Variants in DCDC1 observed in about 807,000 individuals in gnomAD.
DCDC1 encodes the protein doublecortin domain containing 1, also known as doublecortin domain-containing protein 1.
Under a neutral mutation model 178.3 loss-of-function variants are expected in DCDC1, and 200 were observed. The observed-to-expected ratio is 1.12, with a 90% CI of 1.00 to 1.26. The LOEUF (loss-of-function observed/expected upper bound fraction) is 1.26, where lower values mean the gene tolerates loss of function less well. Ranked by LOEUF, DCDC1 falls within the 50% of genes most tolerant of loss-of-function variation. DCDC1 has a pLI of 0.00. For missense variants in DCDC1, 1,983 were observed against 1,749.2 expected (o/e 1.13, Z -2.38); for synonymous variants, 690 against 604.8 (o/e 1.14, Z -2.07).
In DCDC1 at chr11:31,186,456, C is replaced by T. The variant is rs1357815175; in HGVS notation, c.1222-48672G>A. Among the ~76,000 whole-genome samples, 5 of 152,144 alleles carry T rather than the reference C, an allele frequency of 3.3e-5. No individual in the cohort carries two copies. In the East Asian group the frequency reaches 9.6e-4, roughly 29 times the overall value. ...ATCCAGTTTGTGTCCCACCACAGAC[C>T]CATGAGGCCTACCTACCTCTGTGCC... On this transcript the variant is annotated intron_variant, in intron 9 of 38. Transcript: ENST00000684477.
intron 20 of DCDC1, among the ~76,000 whole-genome samples, chr11:31,060,925 C>G (rs2135463186): frequency 6.6e-6 from 1 of 152,002 alleles, no homozygotes; most frequent in East Asian, 1.9e-4. Flanking sequence ...GCTTTTAAAT[C>G]TATGTTTTCT....
At chr11:31,107,642 T>C (rs1191759328) in intron 12 of DCDC1, among the ~76,000 whole-genome samples, 1 of 152,224 alleles carries the variant, frequency 6.6e-6, no homozygotes, top group Non-Finnish European at 1.5e-5. Context: ...GTCTCTAAAT[T>C]ATCAAGATAT....
chr11:30,876,336 C>T (rs1942116172), intron 38 of DCDC1, among the ~76,000 whole-genome samples: 1 of 152,156 alleles, frequency 6.6e-6, no homozygotes, highest in African/African-American at 2.4e-5. Flanking sequence ...ATATTCCTTG[C>T]TGAAGGTAGA....
intron 9 of DCDC1, among the ~76,000 whole-genome samples, chr11:31,213,100 C>CTCTCTCTCTCTCTCTCT (rs1972851664): frequency 1.1e-4 from 5 of 44,274 alleles, no homozygotes; most frequent in Non-Finnish European, 4.4e-5. Flanking sequence ...TAAAGCCCAG[C>CTCTCTCTCTCTCTCTCT]CTCTCTCTCT....
intron 7 of DCDC1, chr11:31,281,068 T>A: frequency 2.1e-6 from 1 of 468,066 alleles, no homozygotes; most frequent in Non-Finnish European, 4.1e-6. Context: ...CACTTTCTAA[T>A]TGTCACTAGC....
chr11:31,328,683 T>C (rs534265900), intron 2 of DCDC1, among the ~76,000 whole-genome samples: 21 of 151,710 alleles, frequency 1.4e-4, no homozygotes, highest in African/African-American at 4.8e-4. Context: ...TGGTGGCAGG[T>C]GCCTGTAGTC....
At chr11:31,030,982 T>C (rs1953588292) in intron 20 of DCDC1, among the ~76,000 whole-genome samples, 1 of 152,188 alleles carries the variant, frequency 6.6e-6, no homozygotes, top group South Asian at 2.1e-4. Context: ...AAAATTATAA[T>C]ACATATTGAC....
rs546597719 is a variant in DCDC1 at position 31,248,543 on chromosome 11, T to C, written c.1055-6927A>G. ...TAATACCCAGAACAAACATACCTAATTCAGAGACTTAAAAGTCAGCTAATG... is the reference window on the plus strand; with the variant it reads ...TAATACCCAGAACAAACATACCTAACTCAGAGACTTAAAAGTCAGCTAATG... On this transcript the variant is annotated intron_variant, in intron 8 of 38. Coordinates refer to ENST00000684477, the MANE Select transcript of DCDC1 (RefSeq NM_001387274.1). Among the ~76,000 whole-genome samples, 5 of 152,228 alleles carry C rather than the reference T, an allele frequency of 3.3e-5. No individual in the cohort carries two copies. The South Asian group carries it at 8.3e-4, about 25-fold the overall frequency.
chr11:31,113,543 G>C (rs1427873730), intron 11 of DCDC1, among the ~76,000 whole-genome samples: 3 of 149,906 alleles, frequency 2.0e-5, no homozygotes, highest in African/African-American at 7.4e-5. Context: ...CGTGGTGTTT[G>C]GTTTTTTGTC....
chr11:30,943,406 A>G (rs560101703), intron 21 of DCDC1: 115 of 242,736 alleles, frequency 4.7e-4, no homozygotes, highest in African/African-American at 2.6e-3. Flanking sequence ...TCATCTCTCA[A>G]TAGAGTAATA....
chr11:30,878,787 A>T, intron 37 of DCDC1, 76 bp from the exon 38 acceptor site: 1 of 1,406,780 alleles, frequency 7.1e-7, no homozygotes, highest in South Asian at 1.5e-5. Flanking sequence ...CAGGATGATG[A>T]AAAACTTGAA....
chr11:31,329,258 C>T (rs1371910882), intron 2 of DCDC1, among the ~76,000 whole-genome samples: 1 of 152,016 alleles, frequency 6.6e-6, no homozygotes, highest in Non-Finnish European at 1.5e-5. Context: ...TGGAGAGAGA[C>T]AGAAAGTGAG....
chr11:31,274,705 T>TC (rs1322991591), intron 7 of DCDC1, among the ~76,000 whole-genome samples: 18 of 151,154 alleles, frequency 1.2e-4, no homozygotes, highest in Non-Finnish European at 2.4e-4. Flanking sequence ...ATGTCTTTTT[T>TC]TTTTTTTTTT....
intron 20 of DCDC1, among the ~76,000 whole-genome samples, chr11:30,991,255 C>A (rs980965695): frequency 5.9e-5 from 9 of 152,070 alleles, no homozygotes; most frequent in African/African-American, 1.7e-4. Context: ...GTGAGTGTGA[C>A]TCCAGAAATA....
At chr11:30,884,372 CT>C (rs375533672) in intron 36 of DCDC1, among the ~76,000 whole-genome samples, 29 of 151,866 alleles carry the variant, frequency 1.9e-4, no homozygotes, top group African/African-American at 6.0e-4. Context: ...GTTTTCCTCT[CT>C]TTTTTTTGTT....
intron 9 of DCDC1, among the ~76,000 whole-genome samples, chr11:31,238,052 T>C (rs1684494353): frequency 6.6e-6 from 1 of 151,872 alleles, no homozygotes; most frequent in African/African-American, 2.4e-5. Context: ...CTTTAAATGA[T>C]TAAAACTGAA....
intron 20 of DCDC1, among the ~76,000 whole-genome samples, chr11:30,980,614 AT>A (rs1950345641): frequency 6.6e-6 from 1 of 152,188 alleles, no homozygotes; most frequent in Non-Finnish European, 1.5e-5. Context: ...ATGGGCTTCC[AT>A]TTTTGTTTTT....
At chr11:31,029,774 G>A (rs929666508) in intron 20 of DCDC1, among the ~76,000 whole-genome samples, 13 of 151,984 alleles carry the variant, frequency 8.6e-5, no homozygotes, top group African/African-American at 2.4e-4. Context: ...GCTGACATTC[G>A]TGTTAACTTT....
chr11:31,310,903 T>C (rs759922919), intron 3 of DCDC1, among the ~76,000 whole-genome samples: 36 of 152,096 alleles, frequency 2.4e-4, no homozygotes, highest in Non-Finnish European at 4.4e-4. Context: ...GGCACAAAAA[T>C]TGGAAGGCCA....
Sources: allele counts gnomAD v4.1 joint callset (sites outside exome capture counted in the v4.1 genomes callset), GRCh38; gene constraint gnomAD v4.1.1; transcripts MANE v1.5; gene names NCBI Gene and HGNC (gene_info 2026-07-23, HGNC 2026-07-21).